AQP7: variants seen among roughly 807,000 people sequenced by gnomAD.
AQP7 encodes aquaporin 7.
A neutral mutation model predicts 26.1 loss-of-function variants in AQP7; 22 were observed. The observed-to-expected ratio is 0.84, with a 90% CI of 0.60 to 1.20. The LOEUF (loss-of-function observed/expected upper bound fraction) is 1.20. Ranked by LOEUF, AQP7 falls within the 50% of genes most tolerant of loss-of-function variation. The pLI is 0.00. For missense variants in AQP7, 412 were observed against 457.5 expected, an observed-to-expected ratio of 0.90 and a Z score of 0.91; for synonymous variants, 167 against 181.7, an observed-to-expected ratio of 0.92 and a Z score of 0.65.
chr9:33,387,620 T>C (rs893637781), intron 3 of AQP7, among the ~76,000 whole-genome samples: 2 of 152,062 alleles, frequency 1.3e-5, no homozygotes, highest in Non-Finnish European at 2.9e-5. Context: ...TCATTTCCAC[T>C]GACCTCAGGC....
intron 3 of AQP7, among the ~76,000 whole-genome samples, chr9:33,388,498 C>A (rs1341775670): frequency 1.3e-5 from 2 of 152,288 alleles, no homozygotes; most frequent in Non-Finnish European, 2.9e-5. Context: ...CATTGAAGAC[C>A]CTGCATAATT....
At chr9:33,390,717 C>T (rs1471158676) in intron 3 of AQP7, among the ~76,000 whole-genome samples, 1 of 152,104 alleles carries the variant, frequency 6.6e-6, no homozygotes, top group Non-Finnish European at 1.5e-5. Flanking sequence ...GACAGGCTGG[C>T]AGGGTCAAGA....
rs80148578 is a variant in AQP7 at position 33,386,213 on chromosome 9, G to A, written c.407-18C>T. 49 of 1,613,774 alleles carry A rather than the reference G, an allele frequency of 3.0e-5. No individual in the cohort carries two copies. Among genetic ancestry groups the A allele is most frequent in the South Asian group, 8.8e-5 (8 of 91,070 alleles). On this transcript the variant is annotated intron_variant, in intron 5 of 7. Coordinates refer to ENST00000297988, the MANE Select transcript of AQP7 (RefSeq NM_001170.3). ...AATGGCCGCTGCGGAGACACAGACTGTCATGCGAACCTGCTCCCAACTAAG... is the reference window on the plus strand; with the variant it reads ...AATGGCCGCTGCGGAGACACAGACTATCATGCGAACCTGCTCCCAACTAAG...
At chr9:33,396,829 C>T (rs1260160251) in intron 2 of AQP7, among the ~76,000 whole-genome samples, 4 of 151,372 alleles carry the variant, frequency 2.6e-5, no homozygotes, top group Non-Finnish European at 5.9e-5. Context: ...AGGCCAGGCA[C>T]AGTGTCTCAC....
intron 3 of AQP7, among the ~76,000 whole-genome samples, chr9:33,388,096 G>A (rs141379086): frequency 0.017 from 2,592 of 152,228 alleles, 31 homozygotes; most frequent in Non-Finnish European, 0.026. Flanking sequence ...GTTTTACCAC[G>A]TAGACAGTCT....
chr9:33,385,640 G>A lies in AQP7; in HGVS notation c.743+9C>T. The A allele has an allele frequency of 6.2e-7, 1 of 1,613,164 alleles. No homozygotes were observed. Among genetic ancestry groups the A allele is most frequent in the Non-Finnish European group, 8.5e-7 (1 of 1,179,952 alleles). On this transcript the variant is annotated intron_variant, in intron 7 of 7. Coordinates refer to ENST00000297988, the MANE Select transcript of AQP7 (RefSeq NM_001170.3). Reference sequence around the variant, plus strand: ...AACTCAAAGGAATGGGCCTGGGCAGGGGCAGTACCTGAAGACCTGTTTGCC... The same window carrying A: ...AACTCAAAGGAATGGGCCTGGGCAGAGGCAGTACCTGAAGACCTGTTTGCC...
In AQP7 at chr9:33,385,692, G is replaced by A. The variant is rs139024279; in HGVS notation, c.700C>T (p.Arg234Cys). ...AINPSRDLPP[R>C]IFTFIAGWGK... Reference sequence around the variant, plus strand: ...CAACCAGCAATGAAGGTGAAGATGCGGGGGGGCAGGTCCCGGGACGGGTTG... The same window carrying A: ...CAACCAGCAATGAAGGTGAAGATGCAGGGGGGCAGGTCCCGGGACGGGTTG... The change falls in exon 7 of 8, where the codon CGC becomes TGC. Residue 234 changes from arginine to cysteine, a missense_variant. Physicochemically the swap from Arg to Cys is radical, Grantham distance 180 (BLOSUM62 -3). Coordinates refer to ENST00000297988, the MANE Select transcript of AQP7 (RefSeq NM_001170.3). 99 of 1,613,622 alleles carry A rather than the reference G, an allele frequency of 6.1e-5. No homozygotes were observed. The highest frequency in any genetic ancestry group is 6.8e-5 in the Non-Finnish European group (80 of 1,179,990).
At chr9:33,390,332 C>A (rs542759580) in intron 3 of AQP7, among the ~76,000 whole-genome samples, 78 of 152,012 alleles carry the variant, frequency 5.1e-4, no homozygotes, top group African/African-American at 1.8e-3. Context: ...AAGGAGAGGA[C>A]CCCGCCCCAG....
At chr9:33,392,816 C>T (rs908522173) in intron 3 of AQP7, among the ~76,000 whole-genome samples, 8 of 152,150 alleles carry the variant, frequency 5.3e-5, no homozygotes, top group African/African-American at 9.7e-5. Flanking sequence ...CTAGAGCACC[C>T]GTCCTAATAA....
At chr9:33,390,699 G>A (rs1462138532) in intron 3 of AQP7, among the ~76,000 whole-genome samples, 1 of 152,194 alleles carries the variant, frequency 6.6e-6, no homozygotes, top group African/African-American at 2.4e-5. Flanking sequence ...GTGAGGCCAG[G>A]ACAGGTTGAC....
At position 33,385,763 on chromosome 9, in the gene AQP7, A is replaced by G. The variant is rs1301481920; in HGVS notation, c.629T>C (p.Val210Ala). The change falls in exon 7 of 8, where the codon GTG (valine) becomes GCG (alanine). Residue 210 changes from valine to alanine, a missense_variant. Coordinates refer to ENST00000297988, the MANE Select transcript of AQP7 (RefSeq NM_001170.3). ...GCCAAGGGACACCCCGATGATGACC[A>G]CGAGGATGCCTATCACCAGCGCCTC... ...GTEALVIGILVVIIGVSLGMN... is the reference protein window; with the variant it reads ...GTEALVIGILAVIIGVSLGMN... The G allele has an allele frequency of 1.2e-6, 2 of 1,613,722 alleles. No individual in the cohort carries two copies. The highest frequency in any genetic ancestry group is 1.3e-5 in the African/African-American group (1 of 75,040).
chr9:33,396,395 G>T (rs1276313167), intron 2 of AQP7, among the ~76,000 whole-genome samples: 1 of 133,468 alleles, frequency 7.5e-6, no homozygotes, highest in Non-Finnish European at 1.5e-5. Flanking sequence ...CCGAGATCTT[G>T]CCACTGCACT....
At chr9:33,392,498 G>A (rs1390819607) in intron 3 of AQP7, among the ~76,000 whole-genome samples, 1 of 152,038 alleles carries the variant, frequency 6.6e-6, no homozygotes, top group Non-Finnish European at 1.5e-5. Flanking sequence ...GCATCACAGA[G>A]CCCGGGATGC....
Position 33,385,764 on chromosome 9 carries a change from C to A in AQP7, c.628G>T (p.Val210Leu). ...GTEALVIGILVVIIGVSLGMN... is the reference protein window; with the variant it reads ...GTEALVIGILLVIIGVSLGMN... ...CCAAGGGACACCCCGATGATGACCA[C>A]GAGGATGCCTATCACCAGCGCCTCT... The change falls in exon 7 of 8, where the codon GTG becomes TTG. Residue 210 changes from valine (V) to leucine (L), a missense_variant. Physicochemically the swap from Val to Leu is conservative, Grantham distance 32 (BLOSUM62 1). Coordinates refer to ENST00000297988, the MANE Select transcript of AQP7 (RefSeq NM_001170.3). 6.2e-7 allele frequency: 1 copy of A among 1,613,694 alleles called. No individual in the cohort carries two copies. Among genetic ancestry groups the A allele is most frequent in the South Asian group, 1.1e-5 (1 of 91,056 alleles).
rs1564187118 is a variant in AQP7 at position 33,395,081 on chromosome 9, C to T, written c.141G>A (p.Met47Ile). 1.9e-6 allele frequency: 3 copies of T among 1,610,770 alleles called. No homozygotes were observed. The East Asian group carries it at 6.7e-5, about 36-fold the overall frequency. The change falls in exon 3 of 8, where the codon ATG becomes ATA. Residue 47 changes from methionine to isoleucine, a missense_variant. By Grantham distance (10) the Met-to-Ile change is conservative. Transcript: ENST00000297988. Reference sequence around the variant, plus strand: ...TTCGTGCTGCCCACCCACTCACCATCATGACATATGTGCTCATGAACTCGG... The same window carrying T: ...TTCGTGCTGCCCACCCACTCACCATTATGACATATGTGCTCATGAACTCGG... ...FLAEFMSTYV[M>I]MVFGLGSVAH... is the part of the protein sequence containing the mutation.
rs201415718 is a variant in AQP7, at chr9:33,386,093, C to G, written c.509G>C (p.Arg170Pro). 1 of 1,613,354 alleles carries G rather than the reference C, an allele frequency of 6.2e-7. No individual in the cohort carries two copies. Among genetic ancestry groups the G allele is most frequent in the African/African-American group, 1.3e-5 (1 of 74,894 alleles). Residue 170 changes from arginine (R) to proline (P), a missense_variant, in exon 6 of 8, where the codon CGG (arginine) becomes CCG (proline). Arg to Pro is a moderately radical substitution (Grantham distance 103). Transcript: ENST00000297988. ...ACCACTGACCTCATTCAGGAAGCCC[C>G]GCCACAATGTCATGTGATCAGGAAG... ...TYLPDHMTLW[R>P]GFLNEAWLTG... is the part of the protein sequence containing the mutation.
chr9:33,398,570 G>A (rs952925419), intron 2 of AQP7, among the ~76,000 whole-genome samples: 18 of 152,202 alleles, frequency 1.2e-4, no homozygotes, highest in African/African-American at 4.3e-4. Context: ...AAGAGAGCGG[G>A]GCAGCTCAGC....
intron 2 of AQP7, among the ~76,000 whole-genome samples, chr9:33,396,973 C>T (rs75292685): frequency 1.8e-4 from 28 of 151,430 alleles, no homozygotes; most frequent in Non-Finnish European, 3.5e-4. Flanking sequence ...TTGTGGTGTA[C>T]GCCTGTGGTC....
chr9:33,391,987 C>G (rs1825450793), intron 3 of AQP7, among the ~76,000 whole-genome samples: 1 of 152,114 alleles, frequency 6.6e-6, no homozygotes, highest in Non-Finnish European at 1.5e-5. Flanking sequence ...AATATTTAAG[C>G]TAAGGGACAG....
Sources: gnomAD v4.1 joint callset for allele counts (sites outside exome capture counted in the v4.1 genomes callset) on GRCh38, gnomAD v4.1.1 for gene constraint, MANE v1.5 for transcripts, NCBI Gene and HGNC (gene_info 2026-07-23, HGNC 2026-07-21) for gene names.